The following THEM6 variants were observed in gnomAD, a reference collection of about 807,000 sequenced individuals.
The protein encoded by THEM6 is thioesterase superfamily member 6, also known as protein THEM6.
In THEM6, 10 loss-of-function variants were observed where a neutral mutation model predicts 13.7. That is an observed-to-expected ratio of 0.73 (90% confidence interval 0.45 to 1.24). THEM6 has a LOEUF of 1.24. Among genes scored for constraint, THEM6 ranks in the 50% most tolerant of loss-of-function variants. The pLI is 0.00. For synonymous variants in THEM6, 161 were observed against 156.0 expected (o/e 1.03, Z -0.24); for missense variants, 317 against 312.6 (o/e 1.01, Z -0.11).
chr8:142,729,611 C>T (rs1452976915), intron 1 of THEM6, among the ~76,000 whole-genome samples: 5 of 151,910 alleles, frequency 3.3e-5, no homozygotes, highest in Admixed American at 1.3e-4. Context: ...GGGAATAATG[C>T]GTATTTAAAA....
Position 142,727,498 on chromosome 8 carries a change from C to G in THEM6, c.152C>G (p.Pro51Arg). Residue 51 changes from proline (P) to arginine (R), a missense_variant, in exon 1 of 2, where the codon CCG becomes CGG. By Grantham distance (103) the Pro-to-Arg change is moderately radical. Coordinates refer to ENST00000336138, the MANE Select transcript of THEM6 (RefSeq NM_016647.3). Reference sequence around the variant, plus strand: ...GACCTGCTAGCTGAGCAGCGCTTCCCGGGCCGCGTGCTGCCCTCGGACTTG... The same window carrying G: ...GACCTGCTAGCTGAGCAGCGCTTCCGGGGCCGCGTGCTGCCCTCGGACTTG... ...VRDLLAEQRF[P>R]GRVLPSDLDL... 1 of 1,577,064 alleles carries G rather than the reference C, an allele frequency of 6.3e-7. No individual in the cohort carries two copies. The highest frequency in any genetic ancestry group is 8.5e-7 in the Non-Finnish European group (1 of 1,169,906).
rs1815509624 is a variant in THEM6 at position 142,727,301 on chromosome 8, ACCGGCG to A, written c.-43_-38del. On this transcript the variant is annotated 5_prime_UTR_variant, in exon 1 of 2. Coordinates refer to ENST00000336138, the MANE Select transcript of THEM6 (RefSeq NM_016647.3). ...CGTAACCAGCGCCGCGGACACCGGCACCGGCGCCACGGACTCCGCAGGACCCCGCGC... is the reference window on the plus strand; with the variant it reads ...CGTAACCAGCGCCGCGGACACCGGCACCACGGACTCCGCAGGACCCCGCGC... 7.0e-7 allele frequency: 1 copy of A among 1,429,670 alleles called. No homozygotes were observed. The highest frequency in any genetic ancestry group is 9.1e-7 in the Non-Finnish European group (1 of 1,101,694). 88.6% of individuals were successfully genotyped at this position (1,429,670 alleles called of 1,614,324 possible). A position where few individuals can be genotyped will look rare whatever the true frequency, so the allele number is the denominator to read the frequency against.
Position 142,727,545 on chromosome 8 carries a change from A to C in THEM6, c.199A>C (p.Asn67His), listed in dbSNP as rs782714392. 1.4e-5 allele frequency: 22 copies of C among 1,563,174 alleles called. No homozygotes were observed. In the South Asian group the frequency reaches 2.5e-4, roughly 18 times the overall value. Reference sequence around the variant, plus strand: ...CTTGGACCTGCTGCTGCACATGAACAACGCGCGCTACCTGCGCGAGGCCGA... The same window carrying C: ...CTTGGACCTGCTGCTGCACATGAACCACGCGCGCTACCTGCGCGAGGCCGA... ...SDLDLLLHMN[N>H]ARYLREADFA... Residue 67 changes from asparagine to histidine, a missense_variant, in exon 1 of 2, where the codon AAC becomes CAC. Coordinates refer to ENST00000336138, the MANE Select transcript of THEM6 (RefSeq NM_016647.3).
intron 1 of THEM6, among the ~76,000 whole-genome samples, chr8:142,731,583 G>A (rs1223078151): frequency 6.6e-6 from 1 of 152,022 alleles, no homozygotes; most frequent in Non-Finnish European, 1.5e-5. Context: ...CACCCTCTAT[G>A]TCTTCCTTTG....
At position 142,732,847 on chromosome 8, in the gene THEM6, C is replaced by T. The variant is rs587725715; in HGVS notation, c.514-2479C>T. On this transcript the variant is annotated intron_variant, in intron 1 of 1. Transcript: ENST00000336138. The stretch of plus-strand genomic sequence containing the variant: ...CCTCATGAGAGAGGAACAGAGACCG[C>T]CCCCGCAGGAGAATGTAGCCCTGTA... Among the ~76,000 whole-genome samples, 382 of 152,138 alleles carry T rather than the reference C, an allele frequency of 2.5e-3. 1 individual carries two copies. Among genetic ancestry groups the T allele is most frequent in the African/African-American group, 8.4e-3 (347 of 41,490 alleles).
chr8:142,732,198 ATATATATAT>A (rs1815663427), intron 1 of THEM6, among the ~76,000 whole-genome samples: 1 of 102,014 alleles, frequency 9.8e-6, no homozygotes, highest in African/African-American at 4.0e-5. Flanking sequence ...ATATATATAT[ATATATATAT>A]TTTAACTACT....
Position 142,727,633 on chromosome 8 carries a change from C to A in THEM6, c.287C>A (p.Ala96Glu), listed in dbSNP as rs1383967993. 4 of 1,490,026 alleles carry A rather than the reference C, an allele frequency of 2.7e-6. No homozygotes were observed. Among genetic ancestry groups the A allele is most frequent in the Non-Finnish European group, 3.5e-6 (4 of 1,128,290 alleles). The allele number at this position is 1,490,026 out of a possible 1,614,324, so 92.3% of individuals were successfully genotyped here. ...GVLGALRELR[A>E]HTVLAASCAR... ...CTCGGGGCGCTGAGGGAGTTGCGGGCGCACACGGTGCTGGCGGCCTCGTGC... is the reference window on the plus strand; with the variant it reads ...CTCGGGGCGCTGAGGGAGTTGCGGGAGCACACGGTGCTGGCGGCCTCGTGC... The change falls in exon 1 of 2, where the codon GCG (alanine) becomes GAG (glutamate). Residue 96 changes from alanine to glutamate, a missense_variant. Ala to Glu is a moderately radical substitution (Grantham distance 107, BLOSUM62 -1). Transcript: ENST00000336138.
rs1587585546 is a variant in THEM6, at chr8:142,735,086, T to C, written c.514-240T>C. The C allele has an allele frequency of 2.2e-5, 11 of 490,762 alleles. No individual in the cohort carries two copies. In the East Asian group the frequency reaches 3.6e-4, roughly 16 times the overall value. The allele number at this position is 490,762 out of a possible 1,614,324, so 30.4% of individuals were successfully genotyped here. On this transcript the variant is annotated intron_variant, in intron 1 of 1. Coordinates refer to ENST00000336138, the MANE Select transcript of THEM6 (RefSeq NM_016647.3). Reference sequence around the variant, plus strand: ...CTTCCCAACCTGCCAACTTCACGGGTTTCTGGCTGGGTTCTGGGGATGGCC... The same window carrying C: ...CTTCCCAACCTGCCAACTTCACGGGCTTCTGGCTGGGTTCTGGGGATGGCC...
chr8:142,735,631 G>T lies in THEM6; in HGVS notation c.*192G>T, dbSNP rs1261550128. ...TGGGCTCCACGCTAGGCAGAAGGAG[G>T]AGTGGCATTGGCATCCTGACCCAGC... On this transcript the variant is annotated 3_prime_UTR_variant, in exon 2 of 2. Coordinates refer to ENST00000336138, the MANE Select transcript of THEM6 (RefSeq NM_016647.3). 1.7e-6 allele frequency: 1 copy of T among 579,674 alleles called. No homozygotes were observed. 35.9% of individuals were successfully genotyped at this position (579,674 alleles called of 1,614,324 possible).
Position 142,727,304 on chromosome 8 carries a change from G to C in THEM6, c.-43G>C, listed in dbSNP as rs1032388433. 6 of 1,433,378 alleles carry C rather than the reference G, an allele frequency of 4.2e-6. No individual in the cohort carries two copies. Among genetic ancestry groups the C allele is most frequent in the Non-Finnish European group, 5.4e-6 (6 of 1,104,098 alleles). The allele number at this position is 1,433,378 out of a possible 1,614,324, so 88.8% of individuals were successfully genotyped here. On this transcript the variant is annotated 5_prime_UTR_variant, in exon 1 of 2. Coordinates refer to ENST00000336138, the MANE Select transcript of THEM6 (RefSeq NM_016647.3). ...AACCAGCGCCGCGGACACCGGCACC[G>C]GCGCCACGGACTCCGCAGGACCCCG... is the stretch of plus-strand genomic sequence containing the variant.
intron 1 of THEM6, among the ~76,000 whole-genome samples, chr8:142,732,430 C>A (rs1010742804): frequency 2.0e-5 from 3 of 151,462 alleles, no homozygotes; most frequent in African/African-American, 7.3e-5. Flanking sequence ...GGTATAAATC[C>A]CACAGCAGGA....
chr8:142,728,937 C>CTTTTTTTTTT (rs58263738), intron 1 of THEM6, among the ~76,000 whole-genome samples: 1 of 107,294 alleles, frequency 9.3e-6, no homozygotes, highest in African/African-American at 3.6e-5. Context: ...TTACTATTTT[C>CTTTTTTTTTT]TTTTTTTTTT....
rs370326615 is a variant in THEM6 at position 142,731,946 on chromosome 8, T to C, written c.514-3380T>C. Among the ~76,000 whole-genome samples the C allele has an allele frequency of 2.4e-4, 37 of 151,968 alleles. 4 individuals carry two copies. Among genetic ancestry groups the C allele is most frequent in the Admixed American group, 1.9e-3 (29 of 15,268 alleles). ...TTATGCCCTCTCACCTCCTCTGCTC[T>C]CTTCCTGGCGCCGCTGTGCTTGCTG... On this transcript the variant is annotated intron_variant, in intron 1 of 1. Transcript: ENST00000336138.
At chr8:142,732,874 G>A (rs587684453) in intron 1 of THEM6, among the ~76,000 whole-genome samples, 3 of 152,266 alleles carry the variant, frequency 2.0e-5, no homozygotes, top group South Asian at 2.1e-4. Context: ...AGCCCTGTAC[G>A]GATTGCCACC....
At chr8:142,728,155 C>G (rs1554642619) in intron 1 of THEM6, among the ~76,000 whole-genome samples, 1 of 152,204 alleles carries the variant, frequency 6.6e-6, no homozygotes, top group Non-Finnish European at 1.5e-5. Context: ...GTGTTCACCC[C>G]TCTCCTCTCT....
chr8:142,728,466 C>A (rs1297495316), intron 1 of THEM6, among the ~76,000 whole-genome samples: 1 of 152,254 alleles, frequency 6.6e-6, no homozygotes, highest in African/African-American at 2.4e-5. Context: ...GCACCTGGGG[C>A]CCTGGGGACG....
At chr8:142,731,227 CTTTAGCCAA>C (rs1554642913) in intron 1 of THEM6, among the ~76,000 whole-genome samples, 1 of 152,160 alleles carries the variant, frequency 6.6e-6, no homozygotes. Context: ...ACCCCTTTAG[CTTTAGCCAA>C]TATGTTTACA....
In THEM6 at chr8:142,735,233, T is replaced by G. The variant is rs1037442412; in HGVS notation, c.514-93T>G. 8.5e-6 allele frequency: 8 copies of G among 942,546 alleles called. No individual in the cohort carries two copies. In the African/African-American group the frequency reaches 1.3e-4, roughly 15 times the overall value. 58.4% of individuals were successfully genotyped at this position (942,546 alleles called of 1,614,324 possible). A position where few individuals can be genotyped will look rare whatever the true frequency, so the allele number is the denominator to read the frequency against. ...ATGGCAGGCGGCGGGGCAGGGGATC[T>G]TGGAAGGTCACGGGCTGGGGAGCAG... On this transcript the variant is annotated intron_variant, in intron 1 of 1. Coordinates refer to ENST00000336138, the MANE Select transcript of THEM6 (RefSeq NM_016647.3).
intron 1 of THEM6, among the ~76,000 whole-genome samples, chr8:142,729,859 G>A (rs188087073): frequency 2.0e-5 from 3 of 152,262 alleles, no homozygotes; most frequent in Admixed American, 1.3e-4. Flanking sequence ...GTATAGTCCC[G>A]TTTACTACAA....
Sources: gnomAD v4.1 joint callset for allele counts (sites outside exome capture counted in the v4.1 genomes callset) on GRCh38, gnomAD v4.1.1 for gene constraint, MANE v1.5 for transcripts, NCBI Gene and HGNC (gene_info 2026-07-23, HGNC 2026-07-21) for gene names.